PPM1H: variants seen among roughly 807,000 people sequenced by gnomAD.
The protein encoded by PPM1H is protein phosphatase, Mg2+/Mn2+ dependent 1H, also known as protein phosphatase 1H.
In PPM1H, 27 loss-of-function variants were observed where a neutral mutation model predicts 54.9. The ratio of observed to expected loss-of-function variants is 0.49; its 90% confidence interval spans 0.36 to 0.68. The LOEUF is 0.68. Ranked by LOEUF, PPM1H falls within the 30% of genes least tolerant of loss-of-function variation. PPM1H has a pLI of 0.00. For missense variants in PPM1H, 596 were observed against 667.8 expected (o/e 0.89, Z 1.19); for synonymous variants, 305 against 270.8 (o/e 1.13, Z -1.24).
At chr12:62,664,251 G>A (rs953091556) in intron 9 of PPM1H, among the ~76,000 whole-genome samples, 8 of 152,102 alleles carry the variant, frequency 5.3e-5, no homozygotes, top group Non-Finnish European at 1.5e-5. Context: ...AGAGGTGAAT[G>A]GAGTCTTCAT....
intron 4 of PPM1H, among the ~76,000 whole-genome samples, chr12:62,759,350 G>T (rs1408786856): frequency 6.6e-6 from 1 of 152,106 alleles, no homozygotes; most frequent in African/African-American, 2.4e-5. Flanking sequence ...TTTTAAATCG[G>T]GTAAGCGGTC....
At chr12:62,914,057 A>G (rs1256967143) in intron 1 of PPM1H, among the ~76,000 whole-genome samples, 2 of 152,170 alleles carry the variant, frequency 1.3e-5, no homozygotes, top group Non-Finnish European at 2.9e-5. Flanking sequence ...GTTTGTCCCC[A>G]CCAAGTCTCA....
intron 2 of PPM1H, among the ~76,000 whole-genome samples, chr12:62,817,648 T>A: frequency 6.6e-6 from 1 of 152,206 alleles, no homozygotes; most frequent in Admixed American, 6.5e-5. Context: ...GGGCGAAATA[T>A]TCCAAAGGGC....
chr12:62,783,049 C>A (rs1592596733), intron 4 of PPM1H, among the ~76,000 whole-genome samples: 1 of 152,082 alleles, frequency 6.6e-6, no homozygotes, highest in Non-Finnish European at 1.5e-5. Context: ...CCAGGCTGGT[C>A]TGCAACTCTT....
At chr12:62,761,095 A>C (rs1218200226) in intron 4 of PPM1H, among the ~76,000 whole-genome samples, 5 of 152,252 alleles carry the variant, frequency 3.3e-5, no homozygotes, top group Non-Finnish European at 4.4e-5. Context: ...AAGAGATAAC[A>C]AAACCACAAC....
chr12:62,910,019 G>T (rs959713548), intron 1 of PPM1H, among the ~76,000 whole-genome samples: 12 of 152,190 alleles, frequency 7.9e-5, no homozygotes, highest in African/African-American at 2.9e-4. Context: ...TTCAGAAATG[G>T]CCTCGAGGAA....
chr12:62,799,698 G>C lies in PPM1H; in HGVS notation c.756+2118C>G, dbSNP rs569644035. ...TTTCATTGGGATTGCAGGGTTGCAG[G>C]CTATCAGACAGTCTTGAGATAGAAG... is the stretch of plus-strand genomic sequence containing the variant. On this transcript the variant is annotated intron_variant, in intron 3 of 9. Transcript: ENST00000228705. Among the ~76,000 whole-genome samples, 128 of 152,260 alleles carry C rather than the reference G, an allele frequency of 8.4e-4. 2 individuals are homozygous for C. The South Asian group carries it at 0.026, about 31-fold the overall frequency.
At chr12:62,671,396 C>T (rs1185067358) in intron 8 of PPM1H, among the ~76,000 whole-genome samples, 2 of 151,942 alleles carry the variant, frequency 1.3e-5, no homozygotes, top group South Asian at 2.1e-4. Context: ...TTTTTCAGAA[C>T]AATATAATCT....
At chr12:62,823,287 G>A (rs1011518685) in intron 2 of PPM1H, among the ~76,000 whole-genome samples, 4 of 152,090 alleles carry the variant, frequency 2.6e-5, no homozygotes, top group African/African-American at 4.8e-5. Context: ...AGAACCAGAC[G>A]GATTCACAGC....
rs116288746 is a variant in PPM1H, at chr12:62,707,285, C to A, written c.1073+12886G>T. Among the ~76,000 whole-genome samples, 428 of 152,260 alleles carry A rather than the reference C, an allele frequency of 2.8e-3. 4 individuals are homozygous for A. Among genetic ancestry groups the A allele is most frequent in the African/African-American group, 9.8e-3 (408 of 41,536 alleles). On this transcript the variant is annotated intron_variant, in intron 6 of 9. Coordinates refer to ENST00000228705, the MANE Select transcript of PPM1H (RefSeq NM_020700.2). The stretch of plus-strand genomic sequence containing the variant: ...AATTTGACCCTGACCCACCGTTGCA[C>A]CTGAAGGCTTTACCATCCCTTATCA...
intron 1 of PPM1H, among the ~76,000 whole-genome samples, chr12:62,928,174 T>C (rs916461935): frequency 6.6e-6 from 1 of 152,224 alleles, no homozygotes; most frequent in Non-Finnish European, 1.5e-5. Context: ...TTAATGCCTC[T>C]AATAAAGTAT....
In PPM1H at chr12:62,733,144, C is replaced by G. The variant is rs1173725428; in HGVS notation, c.954+4358G>C. Among the ~76,000 whole-genome samples, 6 of 152,242 alleles carry G rather than the reference C, an allele frequency of 3.9e-5. No homozygotes were observed. The East Asian group carries it at 7.7e-4, about 20-fold the overall frequency. On this transcript the variant is annotated intron_variant, in intron 5 of 9. Transcript: ENST00000228705. The stretch of plus-strand genomic sequence containing the variant: ...GTTTCATTCAGGAAGAAAGGAGATT[C>G]AGAGACAGAGTGTGAGGGGAAACTA...
chr12:62,763,743 C>T (rs1183253679), intron 4 of PPM1H, among the ~76,000 whole-genome samples: 1 of 152,196 alleles, frequency 6.6e-6, no homozygotes, highest in Non-Finnish European at 1.5e-5. Flanking sequence ...TAGAAATCTT[C>T]AATCGTTTCA....
intron 9 of PPM1H, among the ~76,000 whole-genome samples, chr12:62,666,725 T>C (rs949462338): frequency 1.3e-5 from 2 of 151,900 alleles, no homozygotes; most frequent in African/African-American, 4.8e-5. Flanking sequence ...CTCTTTTTTT[T>C]TGTTTTGTGA....
intron 3 of PPM1H, among the ~76,000 whole-genome samples, chr12:62,800,658 C>T (rs1220047846): frequency 1.3e-5 from 2 of 152,154 alleles, no homozygotes; most frequent in East Asian, 1.9e-4. Flanking sequence ...GGTTTTAAGG[C>T]CATGACTGCC....
chr12:62,874,283 G>T (rs1404780497), intron 1 of PPM1H, among the ~76,000 whole-genome samples: 1 of 152,150 alleles, frequency 6.6e-6, no homozygotes, highest in Non-Finnish European at 1.5e-5. Context: ...GGCAAGGCTG[G>T]CACAGAAGAG....
chr12:62,764,937 G>A (rs2076532449), intron 4 of PPM1H, among the ~76,000 whole-genome samples: 1 of 152,250 alleles, frequency 6.6e-6, no homozygotes, highest in Non-Finnish European at 1.5e-5. Context: ...AGCCATGCGT[G>A]CCGCTTAGTT....
intron 1 of PPM1H, among the ~76,000 whole-genome samples, chr12:62,930,890 G>C (rs1872112901): frequency 6.6e-6 from 1 of 152,198 alleles, no homozygotes; most frequent in Admixed American, 6.5e-5. Flanking sequence ...CCTTAGCCAA[G>C]TGGCTAAACT....
chr12:62,882,877 G>C (rs1170107258), intron 1 of PPM1H, among the ~76,000 whole-genome samples: 1 of 152,042 alleles, frequency 6.6e-6, no homozygotes, highest in South Asian at 2.1e-4. Context: ...GCCTTTGCAC[G>C]TGCAGCTGCT....
Sources: gnomAD v4.1 joint callset for allele counts (sites outside exome capture counted in the v4.1 genomes callset) on GRCh38, gnomAD v4.1.1 for gene constraint, MANE v1.5 for transcripts, NCBI Gene and HGNC (gene_info 2026-07-23, HGNC 2026-07-21) for gene names.